The following STON2 variants were observed in gnomAD, a reference collection of about 807,000 sequenced individuals.
STON2 encodes stonin 2, also known as stonin-2.
A neutral mutation model predicts 65.7 loss-of-function variants in STON2; 29 were observed. The observed-to-expected ratio is 0.44, with a 90% CI of 0.33 to 0.60. The LOEUF (loss-of-function observed/expected upper bound fraction) is 0.60. Among genes scored for constraint, STON2 ranks in the 20% least tolerant of loss-of-function variants. The pLI, the probability that STON2 is intolerant of heterozygous loss-of-function variation, is 0.03. For missense variants in STON2, 1,054 were observed against 1,118.1 expected, an observed-to-expected ratio of 0.94 and a Z score of 0.82; for synonymous variants, 404 against 414.2, an observed-to-expected ratio of 0.98 and a Z score of 0.30.
At chr14:81,349,489 C>T (rs1413234724) in intron 4 of STON2, among the ~76,000 whole-genome samples, 1 of 151,920 alleles carries the variant, frequency 6.6e-6, no homozygotes, top group Non-Finnish European at 1.5e-5. Flanking sequence ...GAAAAAAATG[C>T]TAAATATCAC....
intron 4 of STON2, among the ~76,000 whole-genome samples, chr14:81,349,137 A>C (rs866716835): frequency 3.5e-4 from 54 of 152,194 alleles, no homozygotes; most frequent in African/African-American, 1.2e-3. Flanking sequence ...CTACAAAATG[A>C]CTAGAAAAAA....
At chr14:81,427,410 C>T (rs1296463666) in intron 1 of STON2, 1 of 152,234 alleles carries the variant, frequency 6.6e-6, no homozygotes, top group East Asian at 1.9e-4. Flanking sequence ...CCAAGTCACC[C>T]AGACCGGAGT....
chr14:81,353,477 C>T (rs1445371565), intron 4 of STON2, among the ~76,000 whole-genome samples: 2 of 152,120 alleles, frequency 1.3e-5, no homozygotes, highest in Non-Finnish European at 2.9e-5. Context: ...TGAAACCCCA[C>T]AAATTGGAAA....
intron 4 of STON2, among the ~76,000 whole-genome samples, chr14:81,364,938 A>T (rs1201204239): frequency 6.6e-6 from 1 of 152,178 alleles, no homozygotes; most frequent in Non-Finnish European, 1.5e-5. Context: ...ATTCACATGA[A>T]TGTGTGTGCT....
chr14:81,402,107 A>G (rs1227637128), upstream of STON2, among the ~76,000 whole-genome samples: 2 of 152,242 alleles, frequency 1.3e-5, no homozygotes, highest in Admixed American at 6.5e-5. Flanking sequence ...TTGATTGACC[A>G]TAAAAGCTAA....
chr14:81,434,324 C>G (rs1020650507), intron 1 of STON2, among the ~76,000 whole-genome samples: 1 of 152,086 alleles, frequency 6.6e-6, no homozygotes, highest in African/African-American at 2.4e-5. Context: ...GTCTTTGCCC[C>G]GCCCAACACA....
Position 81,270,735 on chromosome 14 carries a change from T to A in STON2, c.2719A>T (p.Ile907Phe). The A allele has an allele frequency of 6.2e-7, 1 of 1,614,154 alleles. No homozygotes were observed. The highest frequency in any genetic ancestry group is 1.3e-5 in the African/African-American group (1 of 75,046). ...ACGTCAGTCTTGTCTTCTACAGAGA[T>A]AGATCTCACGCTGGCTTTGGAGGCA... ...TSASKASVRS[I>F]SVEDKTDVRK... Residue 907 changes from isoleucine to phenylalanine, a missense_variant, in exon 7 of 8, where the codon ATC (isoleucine) becomes TTC (phenylalanine). Ile to Phe is a conservative substitution (Grantham distance 21). Coordinates refer to ENST00000614646, the MANE Select transcript of STON2 (RefSeq NM_001394390.1).
chr14:81,409,333 AG>A (rs1285238299), intron 2 of STON2, among the ~76,000 whole-genome samples: 21 of 151,884 alleles, frequency 1.4e-4, no homozygotes, highest in Admixed American at 7.2e-4. Context: ...TGAACCCAGG[AG>A]GTGGAGGCTG....
Position 81,264,168 on chromosome 14 carries a change from T to A in STON2, c.*4246A>T, listed in dbSNP as rs933586392. On this transcript the variant is annotated 3_prime_UTR_variant, in exon 8 of 8. Coordinates refer to ENST00000614646, the MANE Select transcript of STON2 (RefSeq NM_001394390.1). ...ACTATGGACAGCATCTATGCTACTATGCTTTGGGGCACAAAAATGTTTTTC... is the reference window on the plus strand; with the variant it reads ...ACTATGGACAGCATCTATGCTACTAAGCTTTGGGGCACAAAAATGTTTTTC... The A allele has an allele frequency of 8.1e-6, 8 of 985,342 alleles. No homozygotes were observed. In the African/African-American group the frequency reaches 1.2e-4, roughly 15 times the overall value. The allele number at this position is 985,342 out of a possible 1,614,324, so 61.0% of individuals were successfully genotyped here.
At chr14:81,401,741 G>A (rs1900621998), upstream of STON2, among the ~76,000 whole-genome samples, 1 of 152,192 alleles carries the variant, frequency 6.6e-6, no homozygotes, top group Non-Finnish European at 1.5e-5. Flanking sequence ...ATTTCAGAGA[G>A]CTACTTCTTT....
intron 6 of STON2, among the ~76,000 whole-genome samples, chr14:81,272,838 A>C (rs1404183769): frequency 5.3e-5 from 8 of 152,238 alleles, no homozygotes; most frequent in African/African-American, 1.9e-4. Flanking sequence ...TTTCATTCTG[A>C]ATGAACTAGA....
rs1236346984 is a variant in STON2 at position 81,262,147 on chromosome 14, CTTT to C, written c.*6264_*6266del. 6.1e-6 allele frequency: 6 copies of C among 985,188 alleles called. No homozygotes were observed. Among genetic ancestry groups the C allele is most frequent in the Non-Finnish European group, 4.8e-6 (4 of 829,836 alleles). 61.0% of individuals were successfully genotyped at this position (985,188 alleles called of 1,614,324 possible). ...AGAAACAATTAATCCAACTTCCTCA[CTTT>C]TTTGTCTCAGGAAACTGAAGCCCAA... On this transcript the variant is annotated 3_prime_UTR_variant, in exon 8 of 8. Transcript: ENST00000614646.
At chr14:81,302,411 G>A (rs746727829) in intron 5 of STON2, among the ~76,000 whole-genome samples, 1 of 152,180 alleles carries the variant, frequency 6.6e-6, no homozygotes, top group African/African-American at 2.4e-5. Context: ...TATAGATAAC[G>A]AAATAGGCTC....
chr14:81,341,210 C>T (rs970865168), intron 4 of STON2, among the ~76,000 whole-genome samples: 69 of 152,128 alleles, frequency 4.5e-4, no homozygotes, highest in African/African-American at 1.6e-3. Context: ...GTTTCACTTC[C>T]AGTGAGCACC....
intron 5 of STON2, among the ~76,000 whole-genome samples, chr14:81,320,810 A>G (rs1466108707): frequency 6.6e-6 from 1 of 152,292 alleles, no homozygotes; most frequent in African/African-American, 2.4e-5. Context: ...GACAGTGATC[A>G]TCAGAGCCAC....
intron 1 of STON2, among the ~76,000 whole-genome samples, chr14:81,430,684 G>GT (rs1902192850): frequency 6.6e-6 from 1 of 152,112 alleles, no homozygotes. Context: ...AAAGAGAGCA[G>GT]TAACACTAAA....
At chr14:81,268,981 T>C (rs947680731) in intron 7 of STON2, among the ~76,000 whole-genome samples, 2 of 152,168 alleles carry the variant, frequency 1.3e-5, no homozygotes, top group Non-Finnish European at 2.9e-5. Flanking sequence ...TAATTGACTG[T>C]TTGTACCCCC....
chr14:81,340,685 T>TA (rs1566916887), intron 4 of STON2, among the ~76,000 whole-genome samples: 1 of 152,044 alleles, frequency 6.6e-6, no homozygotes, highest in Non-Finnish European at 1.5e-5. Context: ...TCTGAGGACA[T>TA]AGAGTAGCCT....
At chr14:81,359,372 T>C (rs1474385589) in intron 4 of STON2, among the ~76,000 whole-genome samples, 1 of 152,314 alleles carries the variant, frequency 6.6e-6, no homozygotes, top group East Asian at 1.9e-4. Flanking sequence ...ACTTATGGAA[T>C]GTGGCAAAGA....
Sources: gnomAD v4.1 joint callset for allele counts (sites outside exome capture counted in the v4.1 genomes callset) on GRCh38, gnomAD v4.1.1 for gene constraint, MANE v1.5 for transcripts, NCBI Gene and HGNC (gene_info 2026-07-23, HGNC 2026-07-21) for gene names.